The following SEZ6L variants were observed in gnomAD, a reference collection of about 807,000 sequenced individuals.
The protein encoded by SEZ6L is seizure 6-like protein.
In SEZ6L, 37 loss-of-function variants were observed where a neutral mutation model predicts 106.2. The observed-to-expected ratio is 0.35, with a 90% confidence interval of 0.27 to 0.46. The LOEUF is 0.46. Among genes scored for constraint, SEZ6L ranks in the 20% least tolerant of loss-of-function variants. SEZ6L has a pLI of 1.00. For missense variants in SEZ6L, 1,172 were observed against 1,332.8 expected (o/e 0.88, Z 1.88); for synonymous variants, 541 against 570.4 (o/e 0.95, Z 0.73).
At chr22:26,280,380 C>G (rs1392948783) in intron 1 of SEZ6L, among the ~76,000 whole-genome samples, 2 of 151,930 alleles carry the variant, frequency 1.3e-5, no homozygotes, top group African/African-American at 2.4e-5. Context: ...CCCCTGTAAC[C>G]AACATAGTTC....
chr22:26,191,886 T>C (rs1187895306), intron 1 of SEZ6L, among the ~76,000 whole-genome samples: 4 of 152,174 alleles, frequency 2.6e-5, no homozygotes, highest in Non-Finnish European at 4.4e-5. Flanking sequence ...TTCAAGTGAT[T>C]GTGACTAAAT....
At chr22:26,255,721 G>A (rs983838728) in intron 1 of SEZ6L, among the ~76,000 whole-genome samples, 1 of 152,242 alleles carries the variant, frequency 6.6e-6, no homozygotes, top group Non-Finnish European at 1.5e-5. Context: ...AGCATCCCCA[G>A]AGGCAGGAGA....
At chr22:26,342,666 G>A (rs111251957) in intron 10 of SEZ6L, among the ~76,000 whole-genome samples, 1,965 of 152,206 alleles carry the variant, frequency 0.013, 45 homozygotes, top group African/African-American at 0.045. Flanking sequence ...ACTGACTCCA[G>A]CCTGGGTGAT....
At chr22:26,357,692 T>C (rs2083483276) in intron 12 of SEZ6L, among the ~76,000 whole-genome samples, 3 of 152,192 alleles carry the variant, frequency 2.0e-5, no homozygotes, top group Non-Finnish European at 4.4e-5. Context: ...CTCCAGTTGA[T>C]CCTTGAATCC....
At chr22:26,233,169 T>A (rs2078853149) in intron 1 of SEZ6L, among the ~76,000 whole-genome samples, 1 of 152,268 alleles carries the variant, frequency 6.6e-6, no homozygotes, top group South Asian at 2.1e-4. Flanking sequence ...AGATGCAGTG[T>A]CTTTTTGCAT....
intron 9 of SEZ6L, among the ~76,000 whole-genome samples, chr22:26,323,115 C>T (rs1341342867): frequency 6.6e-6 from 1 of 152,294 alleles, no homozygotes; most frequent in South Asian, 2.1e-4. Flanking sequence ...CACAAGAGCT[C>T]AGCACGGGGG....
chr22:26,331,419 A>G (rs68083096), intron 9 of SEZ6L, among the ~76,000 whole-genome samples: 7,195 of 152,264 alleles, frequency 0.047, 189 homozygotes, highest in Admixed American at 0.062. Context: ...ATCCTTCCCC[A>G]GCAAACAGCC....
At chr22:26,179,040 G>A (rs541700725) in intron 1 of SEZ6L, among the ~76,000 whole-genome samples, 1 of 152,212 alleles carries the variant, frequency 6.6e-6, no homozygotes, top group Non-Finnish European at 1.5e-5. Context: ...GGGCTTTGGG[G>A]AATTGATTAG....
chr22:26,334,641 A>G (rs981199872), intron 9 of SEZ6L, among the ~76,000 whole-genome samples: 1 of 152,208 alleles, frequency 6.6e-6, no homozygotes, highest in African/African-American at 2.4e-5. Context: ...GTGCTGTCCA[A>G]CTGCCCAAGA....
chr22:26,292,041 AT>A (rs1480794264), intron 1 of SEZ6L, among the ~76,000 whole-genome samples: 1,296 of 128,332 alleles, frequency 0.01, 46 homozygotes, highest in Middle Eastern at 0.026. Flanking sequence ...GGAAGGATGG[AT>A]GGAAGGAAAG....
At position 26,293,008 on chromosome 22, in the gene SEZ6L, C is replaced by A. The variant is rs745983717; in HGVS notation, c.697C>A (p.Pro233Thr). 1 of 1,614,180 alleles carries A rather than the reference C, an allele frequency of 6.2e-7. No individual in the cohort carries two copies. Among genetic ancestry groups the A allele is most frequent in the Admixed American group, 1.7e-5 (1 of 60,030 alleles). The change falls in exon 2 of 17, where the codon CCC (proline) becomes ACC (threonine). Residue 233 changes from proline to threonine, a missense_variant. By Grantham distance (38) the Pro-to-Thr change is conservative. Transcript: ENST00000248933. ...TGGGCCTGACATGGCCCAGGAGGCC[C>A]CCCAGGAGGACACCAGCCCCATGGC... Reference protein sequence around the residue: ...EPGPDMAQEAPQEDTSPMALM... With the variant: ...EPGPDMAQEATQEDTSPMALM...
At chr22:26,214,534 A>G (rs1569386597) in intron 1 of SEZ6L, among the ~76,000 whole-genome samples, 1 of 152,274 alleles carries the variant, frequency 6.6e-6, no homozygotes, top group Non-Finnish European at 1.5e-5. Flanking sequence ...AGCCAGAACT[A>G]TACAAAGCAG....
At chr22:26,298,865 T>C (rs111812990) in intron 4 of SEZ6L, 119 bp from the exon 5 acceptor site, 14 of 841,358 alleles carry the variant, frequency 1.7e-5, no homozygotes, top group African/African-American at 5.3e-5. Context: ...TCCAGAGCTC[T>C]GGAGTCCCCA....
rs183867259 is a variant in SEZ6L, at chr22:26,246,100, G to A, written c.95-46306G>A. Among the ~76,000 whole-genome samples, 6 of 152,268 alleles carry A rather than the reference G, an allele frequency of 3.9e-5. No individual in the cohort carries two copies. In the East Asian group the frequency reaches 7.7e-4, roughly 20 times the overall value. ...GCTTGTGGGTGTTGAAACTTATTAG[G>A]CGAGGTAGTCCTTAGACATTCACTT... On this transcript the variant is annotated intron_variant, in intron 1 of 16. Transcript: ENST00000248933.
At chr22:26,234,215 T>C (rs145572658) in intron 1 of SEZ6L, among the ~76,000 whole-genome samples, 20 of 152,262 alleles carry the variant, frequency 1.3e-4, no homozygotes, top group Non-Finnish European at 2.6e-4. Context: ...GTTAGCTCCT[T>C]GCTGCATCTT....
chr22:26,366,007 T>A (rs1048071005), intron 13 of SEZ6L, among the ~76,000 whole-genome samples: 2 of 152,210 alleles, frequency 1.3e-5, no homozygotes, highest in African/African-American at 4.8e-5. Flanking sequence ...CAATGTCTTC[T>A]CCTGGCTTAG....
chr22:26,219,944 G>A (rs560174945), intron 1 of SEZ6L, among the ~76,000 whole-genome samples: 91 of 152,246 alleles, frequency 6.0e-4, no homozygotes, highest in African/African-American at 2.1e-3. Context: ...ATGTATCCTG[G>A]AACTTAAAAT....
At chr22:26,349,667 A>T (rs1456064106) in intron 11 of SEZ6L, among the ~76,000 whole-genome samples, 1 of 152,108 alleles carries the variant, frequency 6.6e-6, no homozygotes, top group Non-Finnish European at 1.5e-5. Context: ...CACCCAGCTA[A>T]TTTTTAAAAA....
At chr22:26,292,343 C>A in intron 1 of SEZ6L, 63 bp from the exon 2 acceptor site, 2 of 1,362,838 alleles carry the variant, frequency 1.5e-6, no homozygotes, top group Non-Finnish European at 1.0e-6. Context: ...CCCTCAGAGT[C>A]TGACAGCAGG....
Sources: allele counts gnomAD v4.1 joint callset (sites outside exome capture counted in the v4.1 genomes callset), GRCh38; gene constraint gnomAD v4.1.1; transcripts MANE v1.5; gene names NCBI Gene and HGNC (gene_info 2026-07-23, HGNC 2026-07-21).